Variants in DHX15 observed in about 807,000 individuals in gnomAD.
DHX15 encodes the protein DEAH-box helicase 15.
DHX15 carries 11 observed loss-of-function variants against 94.4 expected under a neutral mutation model. The ratio of observed to expected loss-of-function variants is 0.12; its 90% CI spans 0.07 to 0.19. The LOEUF (loss-of-function observed/expected upper bound fraction) is 0.19, where lower values mean the gene tolerates loss of function less well. DHX15 is among the 10% of genes least tolerant of loss of function. The pLI is 1.00. For missense variants in DHX15, 304 were observed against 988.5 expected (o/e 0.31, Z 9.29); for synonymous variants, 338 against 329.9 (o/e 1.02, Z -0.27).
rs561602866 is a variant in DHX15 at position 24,574,547 on chromosome 4, T to A, written c.507+1696A>T. Among the ~76,000 whole-genome samples the A allele has an allele frequency of 6.6e-5, 10 of 152,230 alleles. No homozygotes were observed. In the East Asian group the frequency reaches 1.9e-3, roughly 29 times the overall value. On this transcript the variant is annotated intron_variant, in intron 2 of 13. Coordinates refer to ENST00000336812, the MANE Select transcript of DHX15 (RefSeq NM_001358.3). ...CTCATCTCTGAAATGAGGCTACCCA[T>A]AATCAGACCACAGAATAGCAGTATG...
At chr4:24,550,822 CATTATT>C (rs761736464) in intron 5 of DHX15, among the ~76,000 whole-genome samples, 1 of 152,170 alleles carries the variant, frequency 6.6e-6, no homozygotes, top group Non-Finnish European at 1.5e-5. Flanking sequence ...GTCCTATTAT[CATTATT>C]ATTATGTACT....
intron 6 of DHX15, 77 bp downstream of exon 6, chr4:24,548,778 C>A: frequency 7.3e-7 from 1 of 1,370,232 alleles, no homozygotes; most frequent in Non-Finnish European, 9.9e-7. Flanking sequence ...ATAACTTAGT[C>A]CTTTATAACT....
chr4:24,535,048 T>C (rs778789366), intron 11 of DHX15, among the ~76,000 whole-genome samples: 2 of 151,964 alleles, frequency 1.3e-5, no homozygotes, highest in Non-Finnish European at 2.9e-5. Context: ...AGGACAGCTC[T>C]ACCAAATGTC....
intron 10 of DHX15, chr4:24,539,899 C>G: frequency 2.7e-6 from 1 of 371,898 alleles, no homozygotes. Flanking sequence ...CAATGCTTTA[C>G]TTATCTTTTG....
intron 3 of DHX15, among the ~76,000 whole-genome samples, chr4:24,557,238 T>C (rs1721759167): frequency 6.6e-6 from 1 of 152,188 alleles, no homozygotes; most frequent in African/African-American, 2.4e-5. Context: ...TGGTTACTGA[T>C]GTCACTATGA....
chr4:24,570,594 T>C (rs1307110894), intron 3 of DHX15, 60 bp downstream of exon 3: 4 of 1,526,366 alleles, frequency 2.6e-6, no homozygotes, highest in Admixed American at 3.4e-5. Flanking sequence ...AAGTCTTCTA[T>C]CTAATAGCAG....
chr4:24,576,415 G>T lies in DHX15; in HGVS notation c.335C>A (p.Pro112Gln), dbSNP rs758551702. ...HAGHAGHTSL[P>Q]QCINPFTNLP... ...GTTGGTGAACGGATTAATGCACTGTGGAAGTGACGTGTGACCTGCATGTCC... is the reference window on the plus strand; with the variant it reads ...GTTGGTGAACGGATTAATGCACTGTTGAAGTGACGTGTGACCTGCATGTCC... Residue 112 changes from proline (P) to glutamine (Q), a missense_variant, in exon 2 of 14, where the codon CCA becomes CAA. By Grantham distance (76) the Pro-to-Gln change is moderately conservative (BLOSUM62 -1). This residue lies in a region of DHX15 where 143 missense variants were observed against 200.5 expected (regional missense o/e 0.71). Coordinates refer to ENST00000336812, the MANE Select transcript of DHX15 (RefSeq NM_001358.3). 6.2e-7 allele frequency: 1 copy of T among 1,614,170 alleles called. No homozygotes were observed. Among genetic ancestry groups the T allele is most frequent in the Non-Finnish European group, 8.5e-7 (1 of 1,180,042 alleles).
intron 12 of DHX15, among the ~76,000 whole-genome samples, chr4:24,532,387 T>C (rs1355881816): frequency 6.6e-6 from 1 of 152,218 alleles, no homozygotes; most frequent in Admixed American, 6.5e-5. Flanking sequence ...AATTTGGAGG[T>C]GCTTAGTTTT....
At chr4:24,567,742 TA>T (rs1722026058) in intron 3 of DHX15, among the ~76,000 whole-genome samples, 1 of 152,212 alleles carries the variant, frequency 6.6e-6, no homozygotes, top group African/African-American at 2.4e-5. Context: ...CCCTGACTGG[TA>T]AGCTCTTTAG....
intron 6 of DHX15, among the ~76,000 whole-genome samples, chr4:24,547,949 C>CTATATATCTATATATCTATATATCTA (rs138625312): frequency 5.5e-5 from 5 of 91,308 alleles, no homozygotes; most frequent in African/African-American, 2.2e-4. Context: ...ATATCTATAT[C>CTATATATCTATATATCTATATATCTA]TATATCTATA....
Position 24,584,523 on chromosome 4 carries a change from G to C in DHX15, c.-130C>G, listed in dbSNP as rs1299935651. 1.1e-6 allele frequency: 1 copy of C among 895,248 alleles called. No homozygotes were observed. The highest frequency in any genetic ancestry group is 1.6e-6 in the Non-Finnish European group (1 of 619,734). 55.5% of individuals were successfully genotyped at this position (895,248 alleles called of 1,614,324 possible). ...TACTACAGCCCACACGGTGCGGCCGGAACCAACAGCTAAAATGGCGGCGGC... is the reference window on the plus strand; with the variant it reads ...TACTACAGCCCACACGGTGCGGCCGCAACCAACAGCTAAAATGGCGGCGGC... On this transcript the variant is annotated 5_prime_UTR_variant, in exon 1 of 14. Transcript: ENST00000336812.
At chr4:24,572,656 C>A (rs2109009753) in intron 2 of DHX15, among the ~76,000 whole-genome samples, 1 of 152,276 alleles carries the variant, frequency 6.6e-6, no homozygotes, top group South Asian at 2.1e-4. Context: ...TCTGTTTTAA[C>A]ACAAAATAAC....
chr4:24,561,873 G>T (rs899678863), intron 3 of DHX15, among the ~76,000 whole-genome samples: 82 of 152,172 alleles, frequency 5.4e-4, no homozygotes, highest in African/African-American at 1.9e-3. Flanking sequence ...ACACCAGCCC[G>T]TAATCCCAGC....
At chr4:24,556,121 A>C in intron 4 of DHX15, 130 bp downstream of exon 4, 1 of 661,466 alleles carries the variant, frequency 1.5e-6, no homozygotes, top group Non-Finnish European at 2.4e-6. Flanking sequence ...GAAACAAAAC[A>C]AGAAGGTACT....
At chr4:24,535,452 G>A (rs1721173451) in intron 11 of DHX15, among the ~76,000 whole-genome samples, 1 of 152,134 alleles carries the variant, frequency 6.6e-6, no homozygotes, top group African/African-American at 2.4e-5. Context: ...GGTTTTTTGA[G>A]TAGATCTGTC....
At chr4:24,543,901 G>T (rs1296288788) in intron 6 of DHX15, among the ~76,000 whole-genome samples, 1 of 152,106 alleles carries the variant, frequency 6.6e-6, no homozygotes, top group African/African-American at 2.4e-5. Flanking sequence ...TACAGAAGAT[G>T]AATCAAACAG....
Position 24,537,958 on chromosome 4 carries a change from A to G in DHX15, c.1787-785T>C, listed in dbSNP as rs1268903832. 6.6e-6 allele frequency: 1 copy of G among 152,226 alleles called. No individual in the cohort carries two copies. The highest frequency in any genetic ancestry group is 6.5e-5 in the Admixed American group (1 of 15,276). The allele number at this position is 152,226 out of a possible 1,614,324, so 9.4% of individuals were successfully genotyped here. A position where few individuals can be genotyped will look rare whatever the true frequency, so the allele number is the denominator to read the frequency against. On this transcript the variant is annotated intron_variant, in intron 10 of 13. Coordinates refer to ENST00000336812, the MANE Select transcript of DHX15 (RefSeq NM_001358.3). This position sits in a 1 kb window ranked among gnomAD's most constrained non-coding sequence, Gnocchi z 4.7. ...TATAAAAGCAAAGTCCAATATTTCAAAAGTTGACAATTAGTCTGAAACAAT... is the reference window on the plus strand; with the variant it reads ...TATAAAAGCAAAGTCCAATATTTCAGAAGTTGACAATTAGTCTGAAACAAT...
chr4:24,557,880 T>C (rs1450210529), intron 3 of DHX15, among the ~76,000 whole-genome samples: 2 of 151,932 alleles, frequency 1.3e-5, no homozygotes, highest in Non-Finnish European at 2.9e-5. Context: ...GAGGCAATAC[T>C]CTTGTACATG....
intron 3 of DHX15, among the ~76,000 whole-genome samples, chr4:24,566,438 AC>A (rs1347221264): frequency 6.6e-6 from 1 of 152,184 alleles, no homozygotes; most frequent in Non-Finnish European, 1.5e-5. Flanking sequence ...TTCCAGAGGC[AC>A]CAAAGAATCC....
Sources: allele counts gnomAD v4.1 joint callset (sites outside exome capture counted in the v4.1 genomes callset), GRCh38; gene constraint gnomAD v4.1.1; regional missense constraint gnomAD v4.1.1; non-coding constraint Gnocchi (gnomAD v3.1); transcripts MANE v1.5; gene names NCBI Gene and HGNC (gene_info 2026-07-23, HGNC 2026-07-21).